PPP2R3B: variants seen among roughly 807,000 people sequenced by gnomAD.
The protein encoded by PPP2R3B is protein phosphatase 2 regulatory subunit B''beta.
Under a neutral mutation model 72.9 loss-of-function variants are expected in PPP2R3B, and 68 were observed. The ratio of observed to expected loss-of-function variants is 0.93; its 90% CI spans 0.77 to 1.14. PPP2R3B has a LOEUF of 1.14. Ranked by LOEUF, PPP2R3B falls within the 50% of genes most tolerant of loss-of-function variation. The pLI is 0.00. For synonymous variants in PPP2R3B, 466 were observed against 375.8 expected, an observed-to-expected ratio of 1.24 and a Z score of -2.78; for missense variants, 1,018 against 842.0, an observed-to-expected ratio of 1.21 and a Z score of -2.59.
chrX:380,786 CAAA>C (rs1054118917), intron 1 of PPP2R3B, among the ~76,000 whole-genome samples: 3,867 of 52,406 alleles, frequency 0.074, 44 homozygotes, highest in Non-Finnish European at 0.11. Context: ...AACTCCATCT[CAAA>C]AAAAAAAAAA....
At chrX:346,802 T>A in intron 4 of PPP2R3B, 27 bp from the exon 5 acceptor site, 2 of 1,597,254 alleles carry the variant, frequency 1.3e-6, no homozygotes, top group South Asian at 1.1e-5. Flanking sequence ...ACGAGGCGCG[T>A]GGTGTAGACG....
chrX:352,845 T>A (rs2071358733), intron 2 of PPP2R3B, among the ~76,000 whole-genome samples: 1 of 150,822 alleles, frequency 6.6e-6, no homozygotes, highest in African/African-American at 2.4e-5. Flanking sequence ...CACGTAAAGA[T>A]GTGAAAACGC....
At chrX:341,526 C>G in intron 8 of PPP2R3B, 130 bp from the exon 9 acceptor site, 4 of 876,216 alleles carry the variant, frequency 4.6e-6, no homozygotes, top group East Asian at 2.7e-5. Context: ...CCCCCTCCTG[C>G]CCCTCCTCCT....
chrX:358,726 T>C (rs767212637), intron 2 of PPP2R3B, among the ~76,000 whole-genome samples: 34 of 148,980 alleles, frequency 2.3e-4, no homozygotes, highest in African/African-American at 8.2e-4. Flanking sequence ...AACTGAGTCC[T>C]GGAAGGAAAA....
At chrX:350,787 C>G (rs1035126593) in intron 2 of PPP2R3B, among the ~76,000 whole-genome samples, 1 of 152,210 alleles carries the variant, frequency 6.6e-6, no homozygotes, top group Non-Finnish European at 1.5e-5. Flanking sequence ...GAAAGCGGCC[C>G]ACGGGGCGGC....
intron 2 of PPP2R3B, among the ~76,000 whole-genome samples, chrX:351,626 CTACT>C (rs1441501522): frequency 2.0e-5 from 2 of 98,728 alleles, no homozygotes; most frequent in Admixed American, 2.1e-4. Flanking sequence ...CATTTTTATT[CTACT>C]TGTTTTTCGA....
In PPP2R3B at chrX:334,332, GGAGCGGCCCCGCGGCGGCGTTCTCGC is replaced by G; in HGVS notation, c.*9_*34del. 6.9e-7 allele frequency: 1 copy of G among 1,449,888 alleles called. No individual in the cohort carries two copies. Among genetic ancestry groups the G allele is most frequent in the Non-Finnish European group, 9.0e-7 (1 of 1,106,868 alleles). 89.8% of individuals were successfully genotyped at this position (1,449,888 alleles called of 1,614,324 possible). A position where few individuals can be genotyped will look rare whatever the true frequency, so the allele number is the denominator to read the frequency against. Reference sequence around the variant, plus strand: ...GCGGTGGCCCGGTGGTGGCACGTGGGGAGCGGCCCCGCGGCGGCGTTCTCGCGGGCGGCGTCACAGCGGCTCCAGGT... The same window carrying G: ...GCGGTGGCCCGGTGGTGGCACGTGGGGGGCGGCGTCACAGCGGCTCCAGGT... On this transcript the variant is annotated 3_prime_UTR_variant, in exon 13 of 13. Transcript: ENST00000390665.
intron 1 of PPP2R3B, among the ~76,000 whole-genome samples, chrX:363,634 C>CATCCCACAATGCATCTCCCCGAGCCCGCG (rs2071608049): frequency 1.1e-3 from 4 of 3,782 alleles, no homozygotes; most frequent in Non-Finnish European, 1.7e-3. Context: ...CCGAGCCCAC[C>CATCCCACAATGCATCTCCCCGAGCCCGCG]ATCCCACAGT....
chrX:355,614 C>T lies in PPP2R3B; in HGVS notation c.510+5791G>A, dbSNP rs1350606120. 3.9e-5 allele frequency among the ~76,000 whole-genome samples: 6 copies of T among 152,210 alleles called. No individual in the cohort carries two copies. In the East Asian group the frequency reaches 5.8e-4, roughly 15 times the overall value. ...ACCACGCGATCCGGCCCTCCACACACGCACATGGAACACCGTGCTGTATAT... is the reference window on the plus strand; with the variant it reads ...ACCACGCGATCCGGCCCTCCACACATGCACATGGAACACCGTGCTGTATAT... On this transcript the variant is annotated intron_variant, in intron 2 of 12. Transcript: ENST00000390665.
At chrX:340,634 G>GT (rs2071037824) in intron 10 of PPP2R3B, 131 bp downstream of exon 10, 1 of 142,950 alleles carries the variant, frequency 7.0e-6, no homozygotes, top group Non-Finnish European at 1.0e-5. Flanking sequence ...CCTCCCGTCC[G>GT]TCCCCTCTCC....
At chrX:385,387 C>G (rs916998275) in intron 1 of PPP2R3B, among the ~76,000 whole-genome samples, 14 of 136,744 alleles carry the variant, frequency 1.0e-4, no homozygotes, top group Non-Finnish European at 2.0e-4. Flanking sequence ...GGAGTGCAGC[C>G]TCTGCCTCCT....
chrX:375,816 A>AGGTGACACACGCCCCGTCCTGCCACGCTG (rs2071979805), intron 1 of PPP2R3B, among the ~76,000 whole-genome samples: 1 of 151,430 alleles, frequency 6.6e-6, no homozygotes. Context: ...CTGCCACGCC[A>AGGTGACACACGCCCCGTCCTGCCACGCTG]GGTGACACAC....
At chrX:336,717 T>C (rs1285717747) in intron 12 of PPP2R3B, 1 of 152,234 alleles carries the variant, frequency 6.6e-6, no homozygotes, top group Non-Finnish European at 1.5e-5. Context: ...ATAAATTCTA[T>C]ATGCTACCAA....
At chrX:373,717 C>G (rs1304705723) in intron 1 of PPP2R3B, 4 of 148,828 alleles carry the variant, frequency 2.7e-5, no homozygotes, top group Admixed American at 6.7e-5. Flanking sequence ...CGGGGCAGGG[C>G]CGGGCCGGGG....
At chrX:361,672 C>G in intron 1 of PPP2R3B, 82 bp from the exon 2 acceptor site, 1 of 1,533,106 alleles carries the variant, frequency 6.5e-7, no homozygotes, top group Non-Finnish European at 8.9e-7. Flanking sequence ...CGGGGCCTCT[C>G]TAGGGCCGAC....
intron 1 of PPP2R3B, among the ~76,000 whole-genome samples, chrX:385,658 T>G (rs2072231421): frequency 1.3e-5 from 2 of 152,038 alleles, no homozygotes; most frequent in South Asian, 4.1e-4. Flanking sequence ...AAAATTAGCC[T>G]GGCGTGATGG....
At chrX:363,302 TC>T (rs2071585517) in intron 1 of PPP2R3B, among the ~76,000 whole-genome samples, 1 of 149,634 alleles carries the variant, frequency 6.7e-6, no homozygotes, top group Non-Finnish European at 1.5e-5. Context: ...GCAGTGCATC[TC>T]CCCGAGCCCA....
Position 386,528 on chromosome X carries a change from G to C in PPP2R3B, c.164C>G (p.Pro55Arg). Residue 55 changes from proline to arginine, a missense_variant, in exon 1 of 13, where the codon CCC (proline) becomes CGC (arginine). Pro to Arg is a moderately radical substitution (Grantham distance 103). Coordinates refer to ENST00000390665, the MANE Select transcript of PPP2R3B (RefSeq NM_013239.5). ...GAGCGGGGCTGTGGGCCAGGCCCCG[G>C]GCTGCTCCCCGTCCCCCGGGGTCGG... is the stretch of plus-strand genomic sequence containing the variant. Reference protein sequence around the residue: ...DQPTPGDGEQPGAWPTAPLAA... With the variant: ...DQPTPGDGEQRGAWPTAPLAA... The C allele has an allele frequency of 7.0e-7, 1 of 1,427,040 alleles. No homozygotes were observed. The highest frequency in any genetic ancestry group is 9.2e-7 in the Non-Finnish European group (1 of 1,086,658). 88.4% of individuals were successfully genotyped at this position (1,427,040 alleles called of 1,614,324 possible). A position where few individuals can be genotyped will look rare whatever the true frequency, so the allele number is the denominator to read the frequency against.
chrX:345,215 A>G, intron 7 of PPP2R3B: 1 of 629,314 alleles, frequency 1.6e-6, no homozygotes, highest in Non-Finnish European at 3.0e-6. Flanking sequence ...GGTGTTAACA[A>G]GGAAGCCCCA....
Sources: allele counts gnomAD v4.1 joint callset (sites outside exome capture counted in the v4.1 genomes callset), GRCh38; gene constraint gnomAD v4.1.1; transcripts MANE v1.5; gene names NCBI Gene and HGNC (gene_info 2026-07-23, HGNC 2026-07-21).